The following PLPPR5 variants were observed in gnomAD, a reference collection of about 807,000 sequenced individuals.
PLPPR5 encodes phospholipid phosphatase related 5.
In PLPPR5, 16 loss-of-function variants were observed where a neutral mutation model predicts 33.9. The observed-to-expected ratio is 0.47, with a 90% CI of 0.32 to 0.72. The LOEUF (loss-of-function observed/expected upper bound fraction) is 0.72, where lower values mean the gene tolerates loss of function less well. PLPPR5 is among the 30% of genes least tolerant of loss of function. The probability of loss-of-function intolerance (pLI) is 0.03; values close to 1 mark genes in which losing one functional copy is unlikely to be tolerated. For missense variants in PLPPR5, 301 were observed against 406.7 expected (o/e 0.74, Z 2.23); for synonymous variants, 163 against 150.3 (o/e 1.08, Z -0.62).
chr1:98,914,259 C>A (rs2101151855), intron 5 of PLPPR5, among the ~76,000 whole-genome samples: 1 of 152,244 alleles, frequency 6.6e-6, no homozygotes, highest in African/African-American at 2.4e-5. Flanking sequence ...CACAGGTACT[C>A]CTCAGCTTTT....
chr1:98,943,561 C>CAG (rs1158868151), intron 3 of PLPPR5, among the ~76,000 whole-genome samples: 1 of 152,182 alleles, frequency 6.6e-6, no homozygotes, highest in African/African-American at 2.4e-5. Context: ...TGAGCATATG[C>CAG]AGGGGTCATT....
intron 3 of PLPPR5, among the ~76,000 whole-genome samples, chr1:98,931,397 C>CCA (rs1327259077): frequency 6.6e-6 from 1 of 152,128 alleles, no homozygotes; most frequent in Non-Finnish European, 1.5e-5. Context: ...CATTGGTACT[C>CCA]AACAACAGAG....
intron 1 of PLPPR5, among the ~76,000 whole-genome samples, chr1:98,996,379 G>C (rs1652633076): frequency 6.6e-6 from 1 of 151,872 alleles, no homozygotes. Flanking sequence ...ACCTGGCCTG[G>C]AGAATAAAAC....
At chr1:98,906,177 G>A (rs1460600719) in intron 5 of PLPPR5, among the ~76,000 whole-genome samples, 1 of 148,356 alleles carries the variant, frequency 6.7e-6, no homozygotes, top group Non-Finnish European at 1.5e-5. Flanking sequence ...TATATATAGT[G>A]TGTGTGTATA....
At chr1:98,911,764 T>A (rs985338852) in intron 5 of PLPPR5, among the ~76,000 whole-genome samples, 1 of 151,958 alleles carries the variant, frequency 6.6e-6, no homozygotes, top group South Asian at 2.1e-4. Context: ...TTTTTTTTTT[T>A]AGAGATGGGG....
chr1:98,976,317 T>A (rs984028627), intron 1 of PLPPR5, among the ~76,000 whole-genome samples: 1 of 152,038 alleles, frequency 6.6e-6, no homozygotes, highest in South Asian at 2.1e-4. Flanking sequence ...TATTTTCACA[T>A]CCTTCTCTAT....
intron 1 of PLPPR5, among the ~76,000 whole-genome samples, chr1:98,972,546 G>T (rs964182214): frequency 1.3e-5 from 2 of 152,020 alleles, no homozygotes; most frequent in African/African-American, 4.8e-5. Context: ...GATACCATTA[G>T]AATATTGAGG....
At chr1:98,987,264 A>G (rs1156403846) in intron 1 of PLPPR5, among the ~76,000 whole-genome samples, 1 of 151,868 alleles carries the variant, frequency 6.6e-6, no homozygotes. Context: ...GAGAGGTATT[A>G]AAATAATTAG....
intron 1 of PLPPR5, among the ~76,000 whole-genome samples, chr1:98,982,537 C>G (rs756078369): frequency 1.3e-5 from 2 of 152,044 alleles, no homozygotes; most frequent in Non-Finnish European, 2.9e-5. Context: ...TTTTTGTTTT[C>G]TATTTCTGCT....
In PLPPR5 at chr1:98,921,953, C is replaced by T; in HGVS notation, c.727G>A (p.Ala243Thr). Reference protein sequence around the residue: ...LAFLTGLNRVAEYRNHWSDVI... With the variant: ...LAFLTGLNRVTEYRNHWSDVI... ...TCTGACCAATGATTTCGATATTCTG[C>T]TACTCTGTTGAGTCCAGTAAGAAAT... Residue 243 changes from alanine (A) to threonine (T), a missense_variant, in exon 4 of 6, where the codon GCA (alanine) becomes ACA (threonine). Transcript: ENST00000263177. The T allele has an allele frequency of 6.2e-7, 1 of 1,613,990 alleles. No homozygotes were observed. Among genetic ancestry groups the T allele is most frequent in the Admixed American group, 1.7e-5 (1 of 60,002 alleles).
At chr1:98,919,557 A>G (rs1010974020) in intron 4 of PLPPR5, among the ~76,000 whole-genome samples, 1 of 152,158 alleles carries the variant, frequency 6.6e-6, no homozygotes, top group African/African-American at 2.4e-5. Flanking sequence ...TCATCATAGA[A>G]GGCTCCCTGT....
intron 1 of PLPPR5, among the ~76,000 whole-genome samples, chr1:98,978,998 C>T (rs1029740256): frequency 8.5e-5 from 13 of 152,074 alleles, no homozygotes; most frequent in African/African-American, 3.1e-4. Context: ...TCAGAGAAGG[C>T]TTCTCTATAT....
intron 5 of PLPPR5, among the ~76,000 whole-genome samples, chr1:98,898,422 CTTT>C (rs1312817418): frequency 2.0e-5 from 3 of 152,108 alleles, no homozygotes; most frequent in Non-Finnish European, 4.4e-5. Flanking sequence ...CGATTTGCTT[CTTT>C]AACGCATTCA....
chr1:98,953,276 C>T lies in PLPPR5; in HGVS notation c.415G>A (p.Ala139Thr), dbSNP rs1650856197. The T allele has an allele frequency of 6.2e-7, 1 of 1,613,650 alleles. No individual in the cohort carries two copies. The highest frequency in any genetic ancestry group is 2.2e-5 in the East Asian group (1 of 44,862). Residue 139 changes from alanine (A) to threonine (T), a missense_variant, in exon 3 of 6, where the codon GCT (alanine) becomes ACT (threonine). Transcript: ENST00000263177. ...AGATTTCCTGTGACTACTTGTCCAG[C>T]ATTTACAAAGATATCTGTAGCAAAC... ...GLFATDIFVN[A>T]GQVVTGNLAP... is the part of the protein sequence containing the mutation.
rs1215644058 is a variant in PLPPR5, at chr1:98,893,123, A to G, written c.934-19T>C. 1 of 1,609,498 alleles carries G rather than the reference A, an allele frequency of 6.2e-7. No homozygotes were observed. The highest frequency in any genetic ancestry group is 1.3e-5 in the African/African-American group (1 of 74,634). On this transcript the variant is annotated intron_variant, in intron 5 of 5. Coordinates refer to ENST00000263177, the MANE Select transcript of PLPPR5 (RefSeq NM_001037317.2). The stretch of plus-strand genomic sequence containing the variant: ...TGTGGTTCTGCAAAAAGAAAAAGGA[A>G]TGACAAAGTGAGAGGCTTGGGAACA...
At chr1:98,952,864 A>G (rs1362659818) in intron 3 of PLPPR5, among the ~76,000 whole-genome samples, 1 of 152,198 alleles carries the variant, frequency 6.6e-6, no homozygotes, top group Non-Finnish European at 1.5e-5. Context: ...AATACAACCA[A>G]CTACCCACAC....
At chr1:98,893,133 G>C (rs752584102) in intron 5 of PLPPR5, 29 bp from the exon 6 acceptor site, 1 of 1,606,550 alleles carries the variant, frequency 6.2e-7, no homozygotes, top group Non-Finnish European at 8.5e-7. Flanking sequence ...ATGACAAAGT[G>C]AGAGGCTTGG....
intron 5 of PLPPR5, among the ~76,000 whole-genome samples, chr1:98,907,390 C>T (rs1006426967): frequency 4.9e-4 from 75 of 151,800 alleles, no homozygotes; most frequent in African/African-American, 1.7e-3. Context: ...TTAGTAGAGG[C>T]GGGGTTTTGT....
At chr1:98,989,559 T>A (rs1053269159) in intron 1 of PLPPR5, among the ~76,000 whole-genome samples, 2 of 152,086 alleles carry the variant, frequency 1.3e-5, no homozygotes, top group Non-Finnish European at 2.9e-5. Flanking sequence ...TTAAATAAAA[T>A]GTACAGAACA....
Sources: allele counts gnomAD v4.1 joint callset (sites outside exome capture counted in the v4.1 genomes callset), GRCh38; gene constraint gnomAD v4.1.1; transcripts MANE v1.5; gene names NCBI Gene and HGNC (gene_info 2026-07-23, HGNC 2026-07-21).